Variants in RNASEH1 observed in about 807,000 individuals in gnomAD.
RNASEH1 encodes the protein ribonuclease H type II.
In RNASEH1, 27 loss-of-function variants were observed where a neutral mutation model predicts 34.6. The ratio of observed to expected loss-of-function variants is 0.78; its 90% CI spans 0.58 to 1.08. The LOEUF is 1.08. RNASEH1 is among the 50% of genes least tolerant of loss of function. The pLI is 0.00. For synonymous variants in RNASEH1, 162 were observed against 138.4 expected, an observed-to-expected ratio of 1.17 and a Z score of -1.20; for missense variants, 349 against 373.6, an observed-to-expected ratio of 0.93 and a Z score of 0.54.
In RNASEH1 at chr2:3,545,664, T is replaced by C. The variant is rs1668675324; in HGVS notation, c.*121A>G. ...GAAGGCCACTGTGCCTGATTCCGTG[T>C]GAAAGACGCATCTGCCCATCACTGC... On this transcript the variant is annotated 3_prime_UTR_variant, in exon 8 of 8. Transcript: ENST00000315212. 2.8e-6 allele frequency: 2 copies of C among 705,402 alleles called. No individual in the cohort carries two copies. Among genetic ancestry groups the C allele is most frequent in the African/African-American group, 3.5e-5 (2 of 56,426 alleles). The allele number at this position is 705,402 out of a possible 1,614,324, so 43.7% of individuals were successfully genotyped here. A position where few individuals can be genotyped will look rare whatever the true frequency, so the allele number is the denominator to read the frequency against.
At chr2:3,535,865 G>A in the RNASEH1 span, among the ~76,000 whole-genome samples, 1 of 152,232 alleles carries the variant, frequency 6.6e-6, no homozygotes, top group African/African-American at 2.4e-5. Context: ...AGCCTGCAGT[G>A]GAGGTTAGGG....
Position 3,556,923 on chromosome 2 carries a change from G to C in RNASEH1, c.129-19C>G, listed in dbSNP as rs745428101. ...CTCATTCCTGGAAAAGATGTGCAAT[G>C]TTATTTCCTTCTTCCTTCTCTAACT... On this transcript the variant is annotated intron_variant, in intron 1 of 7. Coordinates refer to ENST00000315212, the MANE Select transcript of RNASEH1 (RefSeq NM_002936.6). The C allele has an allele frequency of 3.9e-6, 6 of 1,531,336 alleles. No homozygotes were observed. In the Middle Eastern group the frequency reaches 5.1e-4, roughly 130 times the overall value. The allele number at this position is 1,531,336 out of a possible 1,614,324, so 94.9% of individuals were successfully genotyped here. A position where few individuals can be genotyped will look rare whatever the true frequency, so the allele number is the denominator to read the frequency against.
At position 3,545,637 on chromosome 2, in the gene RNASEH1, C is replaced by G. The variant is rs936719125; in HGVS notation, c.*148G>C. On this transcript the variant is annotated 3_prime_UTR_variant, in exon 8 of 8. Coordinates refer to ENST00000315212, the MANE Select transcript of RNASEH1 (RefSeq NM_002936.6). ...AACCATTTTTTATAAACACATGTCA[C>G]AGAAGGCCACTGTGCCTGATTCCGT... The G allele has an allele frequency of 1.6e-6, 1 of 632,456 alleles. No individual in the cohort carries two copies. Among genetic ancestry groups the G allele is most frequent in the African/African-American group, 1.8e-5 (1 of 54,318 alleles). The allele number at this position is 632,456 out of a possible 1,614,324, so 39.2% of individuals were successfully genotyped here. A position where few individuals can be genotyped will look rare whatever the true frequency, so the allele number is the denominator to read the frequency against.
At chr2:3,551,662 A>G (rs1198755621) in intron 3 of RNASEH1, among the ~76,000 whole-genome samples, 1 of 152,240 alleles carries the variant, frequency 6.6e-6, no homozygotes, top group Non-Finnish European at 1.5e-5. Context: ...GGAGAATTCT[A>G]TTCTGTGAGT....
the RNASEH1 span, chr2:3,532,397 G>A: frequency 1.4e-6 from 1 of 701,356 alleles, no homozygotes. Flanking sequence ...CATTATTTCA[G>A]TCACTCACTG....
chr2:3,558,144 G>C lies in RNASEH1; in HGVS notation c.117C>G (p.Val39=). ...YAVRRGRKTG[V]FLTWNECRAQ... The stretch of plus-strand genomic sequence containing the variant: ...GGCGGGCCACTCACCAGGTCAGAAA[G>C]ACCCCGGTCTTGCGGCCCCTCCTCA... Residue 39 remains valine, a synonymous_variant, in exon 1 of 8, where the codon GTC becomes GTG. Coordinates refer to ENST00000315212, the MANE Select transcript of RNASEH1 (RefSeq NM_002936.6). 3 of 1,599,242 alleles carry C rather than the reference G, an allele frequency of 1.9e-6. No individual in the cohort carries two copies. Among genetic ancestry groups the C allele is most frequent in the South Asian group, 1.1e-5 (1 of 89,374 alleles).
intron 2 of RNASEH1, among the ~76,000 whole-genome samples, chr2:3,556,161 C>T (rs1210346035): frequency 1.3e-5 from 2 of 151,604 alleles, no homozygotes; most frequent in Non-Finnish European, 2.9e-5. Flanking sequence ...GCAACAGAGA[C>T]TCTGTCTCAA....
downstream of RNASEH1, among the ~76,000 whole-genome samples, chr2:3,537,045 G>A (rs950787116): frequency 1.3e-5 from 2 of 152,210 alleles, no homozygotes; most frequent in Non-Finnish European, 1.5e-5. Flanking sequence ...AAATGGCCAC[G>A]CCAGGGATTA....
chr2:3,551,312 A>G (rs1440909077), intron 3 of RNASEH1, among the ~76,000 whole-genome samples: 2 of 152,296 alleles, frequency 1.3e-5, no homozygotes, highest in Middle Eastern at 3.4e-3. Flanking sequence ...CAGCATGACT[A>G]CAAGCTTCCC....
chr2:3,546,326 G>A (rs1017540347), intron 7 of RNASEH1, among the ~76,000 whole-genome samples: 14 of 152,120 alleles, frequency 9.2e-5, no homozygotes, highest in African/African-American at 3.4e-4. Context: ...AGTGGTTCCA[G>A]GAAGGCAGAA....
intron 3 of RNASEH1, among the ~76,000 whole-genome samples, chr2:3,551,131 G>C (rs1485827179): frequency 6.6e-6 from 1 of 152,260 alleles, no homozygotes; most frequent in African/African-American, 2.4e-5. Context: ...AGGGCAAATA[G>C]AGGTGGTACG....
rs746268053 is a variant in RNASEH1, at chr2:3,542,426, G to T, written c.*3359C>A. Among the ~76,000 whole-genome samples the T allele has an allele frequency of 9.2e-5, 14 of 152,156 alleles. No homozygotes were observed. The highest frequency in any genetic ancestry group is 1.8e-4 in the Non-Finnish European group (12 of 68,020). The stretch of plus-strand genomic sequence containing the variant: ...CATCACTTTATGCTGGAAGAAAACA[G>T]AATAAAACAAGATACTCAAAGAAAA... On this transcript the variant is annotated 3_prime_UTR_variant, in exon 8 of 8. Transcript: ENST00000315212.
At chr2:3,556,309 T>G (rs956051981) in intron 2 of RNASEH1, among the ~76,000 whole-genome samples, 1 of 122,286 alleles carries the variant, frequency 8.2e-6, no homozygotes, top group Non-Finnish European at 1.8e-5. Context: ...ACTATGTAAG[T>G]TTTTTTTTTT....
chr2:3,551,316 GCTT>G (rs1392906335), intron 3 of RNASEH1, among the ~76,000 whole-genome samples: 1 of 152,182 alleles, frequency 6.6e-6, no homozygotes, highest in African/African-American at 2.4e-5. Flanking sequence ...ATGACTACAA[GCTT>G]CCCACCCAGC....
chr2:3,543,895 T>C lies in RNASEH1; in HGVS notation c.*1890A>G, dbSNP rs944937045. Among the ~76,000 whole-genome samples, 2 of 152,172 alleles carry C rather than the reference T, an allele frequency of 1.3e-5. No homozygotes were observed. Among genetic ancestry groups the C allele is most frequent in the African/African-American group, 4.8e-5 (2 of 41,442 alleles). Reference sequence around the variant, plus strand: ...TCCCAAAGTGCTGGGATTACAGGCATAAGACACCATGCCCAGCCCATGAAT... The same window carrying C: ...TCCCAAAGTGCTGGGATTACAGGCACAAGACACCATGCCCAGCCCATGAAT... On this transcript the variant is annotated 3_prime_UTR_variant, in exon 8 of 8. Transcript: ENST00000315212.
At position 3,550,445 on chromosome 2, in the gene RNASEH1, C is replaced by A; in HGVS notation, c.437G>T (p.Gly146Val). 6.2e-7 allele frequency: 1 copy of A among 1,614,120 alleles called. No homozygotes were observed. The highest frequency in any genetic ancestry group is 8.5e-7 in the Non-Finnish European group (1 of 1,180,002). ...MGDFVVVYTD[G>V]CCSSNGRRRP... ...TCTACGCCCATTACTGGAGCAGCAG[C>A]CATCAGTGTAGACGACGACGAAGTC... The change falls in exon 4 of 8, where the codon GGC becomes GTC. Residue 146 changes from glycine to valine, a missense_variant. By Grantham distance (109) the Gly-to-Val change is moderately radical. Coordinates refer to ENST00000315212, the MANE Select transcript of RNASEH1 (RefSeq NM_002936.6).
intron 3 of RNASEH1, among the ~76,000 whole-genome samples, chr2:3,550,921 A>G (rs183781363): frequency 2.1e-3 from 315 of 152,322 alleles, no homozygotes; most frequent in Admixed American, 5.2e-3. Flanking sequence ...CTTCCCTGGC[A>G]TATTTGCTGC....
chr2:3,556,308 G>GTTT (rs1183563934), intron 2 of RNASEH1, among the ~76,000 whole-genome samples: 33 of 138,350 alleles, frequency 2.4e-4, no homozygotes, highest in Non-Finnish European at 4.1e-4. Context: ...AACTATGTAA[G>GTTT]TTTTTTTTTT....
At chr2:3,535,974 C>T in the RNASEH1 span, among the ~76,000 whole-genome samples, 5 of 152,308 alleles carry the variant, frequency 3.3e-5, no homozygotes, top group South Asian at 2.1e-4. Context: ...TGAGCACTGT[C>T]GGTCCCGGCC....
Sources: gnomAD v4.1 joint callset for allele counts (sites outside exome capture counted in the v4.1 genomes callset) on GRCh38, gnomAD v4.1.1 for gene constraint, MANE v1.5 for transcripts, NCBI Gene and HGNC (gene_info 2026-07-23, HGNC 2026-07-21) for gene names.